Variants in CPXCR1 observed in about 807,000 individuals in gnomAD.
The protein encoded by CPXCR1 is CPX chromosomal region candidate gene 1 protein.
CPXCR1 carries 15 observed loss-of-function variants against 13.8 expected under a neutral mutation model. The observed-to-expected ratio is 1.09, with a 90% confidence interval of 0.73 to 1.67. The LOEUF (loss-of-function observed/expected upper bound fraction) is 1.67, where lower values mean the gene tolerates loss of function less well. Ranked by LOEUF, CPXCR1 falls within the 40% of genes most tolerant of loss-of-function variation. The pLI is 0.00. For synonymous variants in CPXCR1, 70 were observed against 76.7 expected (o/e 0.91, Z 0.46); for missense variants, 247 against 223.6 (o/e 1.10, Z -0.67).
At chrX:88,750,667 C>T (rs982317160) in intron 2 of CPXCR1, among the ~76,000 whole-genome samples, 4 of 111,754 alleles carry the variant, frequency 3.6e-5, no homozygotes, top group African/African-American at 6.5e-5. Context: ...CTCTTTTGTA[C>T]GTCTGGTAGA....
intron 2 of CPXCR1, among the ~76,000 whole-genome samples, chrX:88,751,922 C>T (rs1924928908): frequency 9.0e-6 from 1 of 111,441 alleles, no homozygotes; most frequent in African/African-American, 3.3e-5. Context: ...ATCAATTCTA[C>T]ATCTTTAAAT....
intron 1 of CPXCR1, among the ~76,000 whole-genome samples, chrX:88,747,692 A>G (rs935978874): frequency 2.7e-5 from 3 of 111,687 alleles, no homozygotes; most frequent in African/African-American, 9.8e-5. Flanking sequence ...AGTGCATGGG[A>G]ATCAGAAGGC....
chrX:88,751,920 T>C (rs912382955), intron 2 of CPXCR1, among the ~76,000 whole-genome samples: 3 of 111,542 alleles, frequency 2.7e-5, no homozygotes, highest in Admixed American at 9.6e-5. Context: ...ACATCAATTC[T>C]ACATCTTTAA....
chrX:88,748,961 G>C (rs971056898), intron 1 of CPXCR1, among the ~76,000 whole-genome samples: 1 of 105,429 alleles, frequency 9.5e-6, no homozygotes, highest in African/African-American at 3.5e-5. Flanking sequence ...TAAGTTTTAG[G>C]GTACATGTGC....
In CPXCR1 at chrX:88,753,923, C is replaced by T. The variant is rs763634085; in HGVS notation, c.509C>T (p.Thr170Ile). The part of the protein sequence containing the change: ...YFSQAAGCQN[T>I]MWVKRKYIAC... ...TCTCAGGCTGCAGGGTGTCAGAATA[C>T]CATGTGGGTAAAGCGAAAATATATA... The change falls in exon 3 of 3, where the codon ACC (threonine) becomes ATC (isoleucine). Residue 170 changes from threonine (T) to isoleucine (I), a missense_variant. By Grantham distance (89) the Thr-to-Ile change is moderately conservative (BLOSUM62 -1). Coordinates refer to ENST00000276127, the MANE Select transcript of CPXCR1 (RefSeq NM_033048.6). 15 of 1,208,744 alleles carry T rather than the reference C, an allele frequency of 1.2e-5. No homozygotes were observed. In the South Asian group the frequency reaches 1.9e-4, roughly 16 times the overall value.
chrX:88,748,327 G>GTA (rs1321732419), intron 1 of CPXCR1, among the ~76,000 whole-genome samples: 2 of 100,408 alleles, frequency 2.0e-5, no homozygotes, highest in African/African-American at 4.3e-5. Context: ...TATATTTAAT[G>GTA]TATATATATT....
In CPXCR1 at chrX:88,754,563, C is replaced by T; in HGVS notation, c.*243C>T. On this transcript the variant is annotated 3_prime_UTR_variant, in exon 3 of 3. Coordinates refer to ENST00000276127, the MANE Select transcript of CPXCR1 (RefSeq NM_033048.6). ...AGACCTGTCATCTATATTGAGTCAG[C>T]ATTTGAACCAAGTAAATGTTTTCAC... is the stretch of plus-strand genomic sequence containing the variant. 1 of 269,380 alleles carries T rather than the reference C, an allele frequency of 3.7e-6. No homozygotes were observed. The allele number at this position is 269,380 out of a possible 1,213,427, so 22.2% of individuals were successfully genotyped here. A position where few individuals can be genotyped will look rare whatever the true frequency, so the allele number is the denominator to read the frequency against.
chrX:88,751,010 T>G (rs150551998), intron 2 of CPXCR1, among the ~76,000 whole-genome samples: 5,878 of 104,703 alleles, frequency 0.056, 339 homozygotes, highest in African/African-American at 0.19. Flanking sequence ...TTGTTGATCT[T>G]TTCAAAAAAA....
At chrX:88,748,843 CTTT>C (rs11333394) in intron 1 of CPXCR1, among the ~76,000 whole-genome samples, 8 of 102,124 alleles carry the variant, frequency 7.8e-5, no homozygotes, top group East Asian at 3.1e-4. Context: ...GTATTTTTTT[CTTT>C]TTTTTTTGTC....
In CPXCR1 at chrX:88,753,946, A is replaced by G; in HGVS notation, c.532A>G (p.Ile178Val). Residue 178 changes from isoleucine to valine, a missense_variant, in exon 3 of 3, where the codon ATA becomes GTA. Ile to Val is a conservative substitution (Grantham distance 29). Coordinates refer to ENST00000276127, the MANE Select transcript of CPXCR1 (RefSeq NM_033048.6). ...QNTMWVKRKY[I>V]ACLYHPNSFT... The stretch of plus-strand genomic sequence containing the variant: ...TACCATGTGGGTAAAGCGAAAATAT[A>G]TAGCATGTCTTTACCATCCAAATAG... 8.3e-7 allele frequency: 1 copy of G among 1,210,823 alleles called. No individual in the cohort carries two copies. Among genetic ancestry groups the G allele is most frequent in the Non-Finnish European group, 1.1e-6 (1 of 894,845 alleles).
At chrX:88,752,894 C>T (rs1322055599) in intron 2 of CPXCR1, among the ~76,000 whole-genome samples, 1 of 111,419 alleles carries the variant, frequency 9.0e-6, no homozygotes, top group Non-Finnish European at 1.9e-5. Context: ...GTAAAAATTA[C>T]AGGGGAAGAA....
Position 88,753,784 on chromosome X carries a change from T to A in CPXCR1, c.370T>A (p.Phe124Ile), listed in dbSNP as rs144680913. ...GAAAGTTGAGATGAAAGCAAACAAT[T>A]TCCCCATAAATCACAAAACTCGTTT... ...SGKVEMKANN[F>I]PINHKTRFRL... The change falls in exon 3 of 3, where the codon TTC (phenylalanine) becomes ATC (isoleucine). Residue 124 changes from phenylalanine (F) to isoleucine (I), a missense_variant. Physicochemically the swap from Phe to Ile is conservative, Grantham distance 21 (BLOSUM62 0). Coordinates refer to ENST00000276127, the MANE Select transcript of CPXCR1 (RefSeq NM_033048.6). 423 of 1,208,078 alleles carry A rather than the reference T, an allele frequency of 3.5e-4. 1 individual carries two copies. The African/African-American group carries it at 6.7e-3, about 19-fold the overall frequency.
chrX:88,749,198 G>C (rs2147630809), intron 1 of CPXCR1, 120 bp from the exon 2 acceptor site: 1 of 105,278 alleles, frequency 9.5e-6, no homozygotes, highest in African/African-American at 3.5e-5. Context: ...TAGTTATCCT[G>C]AATGTGCAAG....
intron 2 of CPXCR1, among the ~76,000 whole-genome samples, chrX:88,750,714 TG>T (rs914199302): frequency 1.8e-5 from 2 of 111,905 alleles, no homozygotes; most frequent in Admixed American, 1.9e-4. Context: ...GGACTTTTTT[TG>T]GTTGGCAGGC....
At position 88,754,028 on chromosome X, in the gene CPXCR1, A is replaced by G. The variant is rs768145167; in HGVS notation, c.614A>G (p.Tyr205Cys). Reference sequence around the variant, plus strand: ...AGAAGGCCTTCGAGGGTGCACTACTACCGTCCCCTCACTGAGAGAATGACA... The same window carrying G: ...AGAAGGCCTTCGAGGGTGCACTACTGCCGTCCCCTCACTGAGAGAATGACA... ...TFRRPSRVHYYRPLTERMTSG... is the reference protein window; with the variant it reads ...TFRRPSRVHYCRPLTERMTSG... The change falls in exon 3 of 3, where the codon TAC (tyrosine) becomes TGC (cysteine). Residue 205 changes from tyrosine to cysteine, a missense_variant. By Grantham distance (194) the Tyr-to-Cys change is radical (BLOSUM62 -2). Coordinates refer to ENST00000276127, the MANE Select transcript of CPXCR1 (RefSeq NM_033048.6). 2 of 1,211,286 alleles carry G rather than the reference A, an allele frequency of 1.7e-6. No homozygotes were observed. Among genetic ancestry groups the G allele is most frequent in the South Asian group, 3.5e-5 (2 of 56,940 alleles).
At chrX:88,749,909 T>C (rs1246357348) in intron 2 of CPXCR1, among the ~76,000 whole-genome samples, 2 of 108,530 alleles carry the variant, frequency 1.8e-5, no homozygotes, top group Non-Finnish European at 3.8e-5. Context: ...ATGCTTGTGA[T>C]TTTTGCACAC....
intron 2 of CPXCR1, among the ~76,000 whole-genome samples, chrX:88,752,259 A>C (rs1924939471): frequency 9.0e-6 from 1 of 111,474 alleles, no homozygotes; most frequent in Admixed American, 9.6e-5. Context: ...GAGGGGTGAC[A>C]GGAGAGTGGT....
At chrX:88,752,505 C>T (rs1194947570) in intron 2 of CPXCR1, among the ~76,000 whole-genome samples, 5 of 104,312 alleles carry the variant, frequency 4.8e-5, no homozygotes, top group Non-Finnish European at 9.8e-5. Context: ...ACAGACATTA[C>T]TTTTATTTTA....
At chrX:88,747,661 G>A (rs762402117) in intron 1 of CPXCR1, among the ~76,000 whole-genome samples, 1 of 111,571 alleles carries the variant, frequency 9.0e-6, no homozygotes, top group African/African-American at 3.3e-5. Context: ...AGGATATGGT[G>A]GGGATTTCTG....
Sources: gnomAD v4.1 joint callset for allele counts (sites outside exome capture counted in the v4.1 genomes callset) on GRCh38, gnomAD v4.1.1 for gene constraint, MANE v1.5 for transcripts, NCBI Gene and HGNC (gene_info 2026-07-23, HGNC 2026-07-21) for gene names.